Variants in ADCY6 observed in about 807,000 individuals in gnomAD.
ADCY6 encodes adenylate cyclase type 6.
Under a neutral mutation model 111.6 loss-of-function variants are expected in ADCY6, and 59 were observed. The observed-to-expected ratio is 0.53, with a 90% CI of 0.43 to 0.66. The LOEUF (loss-of-function observed/expected upper bound fraction) is 0.66. Ranked by LOEUF, ADCY6 falls within the 30% of genes least tolerant of loss-of-function variation. The pLI is 0.00. For synonymous variants in ADCY6, 576 were observed against 642.9 expected (o/e 0.90, Z 1.57); for missense variants, 1,242 against 1,595.6 (o/e 0.78, Z 3.78).
chr12:48,773,794 A>C (rs1252476373), intron 15 of ADCY6, 146 bp downstream of exon 15: 1 of 1,435,822 alleles, frequency 7.0e-7, no homozygotes. Context: ...CCCAGCCCCT[A>C]CAACACACCA....
rs1462485234 is a variant in ADCY6, at chr12:48,767,653, C to T, written c.*938G>A. 2 of 152,662 alleles carry T rather than the reference C, an allele frequency of 1.3e-5. No homozygotes were observed. The highest frequency in any genetic ancestry group is 4.8e-5 in the African/African-American group (2 of 41,428). 9.5% of individuals were successfully genotyped at this position (152,662 alleles called of 1,614,324 possible). A position where few individuals can be genotyped will look rare whatever the true frequency, so the allele number is the denominator to read the frequency against. Reference sequence around the variant, plus strand: ...GCCCTGACCCTTTTCTATTTGGCAACAGAAGAGGAAGAGATGCTCCATGCC... The same window carrying T: ...GCCCTGACCCTTTTCTATTTGGCAATAGAAGAGGAAGAGATGCTCCATGCC... On this transcript the variant is annotated 3_prime_UTR_variant, in exon 22 of 22. Transcript: ENST00000357869.
At chr12:48,769,314 G>A (rs1408339525) in intron 20 of ADCY6, among the ~76,000 whole-genome samples, 1 of 150,720 alleles carries the variant, frequency 6.6e-6, no homozygotes, top group Non-Finnish European at 1.5e-5. Context: ...TTAGGAGGCT[G>A]AGGTGGGAGA....
intron 10 of ADCY6, 59 bp from the exon 11 acceptor site, chr12:48,775,509 G>A (rs1941672670): frequency 6.2e-7 from 1 of 1,607,144 alleles, no homozygotes; most frequent in Admixed American, 1.7e-5. Context: ...GAGAAACAAT[G>A]AAAGGAAAGG....
chr12:48,783,018 C>A lies in ADCY6; in HGVS notation c.417G>T (p.Leu139=). 6.2e-7 allele frequency: 1 copy of A among 1,613,682 alleles called. No homozygotes were observed. The highest frequency in any genetic ancestry group is 8.5e-7 in the Non-Finnish European group (1 of 1,179,902). ...TCATCTGGAAGAAGTACCGCTGGTA[C>A]AGGCGCTCCAGCTTGGCCGAACGGA... The part of the protein sequence containing the change: ...KQFRSAKLER[L]YQRYFFQMNQ... The change falls in exon 2 of 22, where the codon CTG becomes CTT. Residue 139 remains leucine, a synonymous_variant. Coordinates refer to ENST00000357869, the MANE Select transcript of ADCY6 (RefSeq NM_015270.5).
Position 48,783,408 on chromosome 12 carries a change from G to A in ADCY6, c.27C>T (p.Val9=), listed in dbSNP as rs988935336. The change falls in exon 2 of 22, where the codon GTC becomes GTT. Residue 9 remains valine, a synonymous_variant. Coordinates refer to ENST00000357869, the MANE Select transcript of ADCY6 (RefSeq NM_015270.5). Reference sequence around the variant, plus strand: ...CTGTTTTCCGTTCATCCACTTTAGGGACCAGGAGGCCACTAAACCATGACA... The same window carrying A: ...CTGTTTTCCGTTCATCCACTTTAGGAACCAGGAGGCCACTAAACCATGACA... The part of the protein sequence containing the change: MSWFSGLL[V]PKVDERKTAW... The A allele has an allele frequency of 7.4e-6, 12 of 1,614,122 alleles. No individual in the cohort carries two copies. In the Admixed American group the frequency reaches 8.3e-5, roughly 11 times the overall value.
intron 18 of ADCY6, 103 bp from the exon 19 acceptor site, chr12:48,772,076 A>G (rs1358868854): frequency 6.8e-7 from 1 of 1,476,552 alleles, no homozygotes; most frequent in East Asian, 2.3e-5. Context: ...ATAGAGAAAG[A>G]AAGGCCCAGA....
rs747011823 is a variant in ADCY6, at chr12:48,777,582, G to A, written c.1136+33C>T. 20 of 1,612,834 alleles carry A rather than the reference G, an allele frequency of 1.2e-5. No individual in the cohort carries two copies. Among genetic ancestry groups the A allele is most frequent in the Middle Eastern group, 1.7e-4 (1 of 6,052 alleles). ...GCCCTCAAAGACTTCCAGACCCCCC[G>A]CCCTGCTGGGCATCCTCCTACCCTC... On this transcript the variant is annotated intron_variant, in intron 4 of 21. Transcript: ENST00000357869. The surrounding 1 kb of genome is among the most constrained non-coding windows in gnomAD (Gnocchi z 4.9).
In ADCY6 at chr12:48,771,865, G is replaced by C. The variant is rs138465901; in HGVS notation, c.2896C>G (p.Arg966Gly). 3.1e-6 allele frequency: 5 copies of C among 1,614,118 alleles called. No individual in the cohort carries two copies. Among genetic ancestry groups the C allele is most frequent in the African/African-American group, 1.3e-5 (1 of 75,020 alleles). Residue 966 changes from arginine (R) to glycine (G), a missense_variant, in exon 19 of 22, where the codon CGC (arginine) becomes GGC (glycine). Arg to Gly is a moderately radical substitution (Grantham distance 125, BLOSUM62 -2). Around this residue, in one of 4 missense-constraint regions of ADCY6, gnomAD observed 245 missense variants for 371.3 expected, o/e 0.66. Transcript: ENST00000357869. The surrounding 1 kb of genome is among the most constrained non-coding windows in gnomAD (Gnocchi z 4.3). ...VAAHFLARER[R>G]NDELYYQSCE... ...GACTGATAGTAGAGTTCATCATTGC[G>C]GCGCTCCCGGGCCAGGAAGTGGGCC...
chr12:48,775,554 G>A, intron 10 of ADCY6, 104 bp from the exon 11 acceptor site: 2 of 1,571,800 alleles, frequency 1.3e-6, no homozygotes, highest in Non-Finnish European at 1.7e-6. Flanking sequence ...GGGAGAGCCA[G>A]GGGGGTGGCT....
intron 2 of ADCY6, among the ~76,000 whole-genome samples, chr12:48,780,830 T>C (rs1158800772): frequency 6.6e-6 from 1 of 152,202 alleles, no homozygotes. Flanking sequence ...CTTTAAGATG[T>C]CTGACAGTGC....
At position 48,783,383 on chromosome 12, in the gene ADCY6, C is replaced by T. The variant is rs746480278; in HGVS notation, c.52G>A (p.Ala18Thr). Residue 18 changes from alanine (A) to threonine (T), a missense_variant, in exon 2 of 22, where the codon GCC (alanine) becomes ACC (threonine). By Grantham distance (58) the Ala-to-Thr change is moderately conservative. Around this residue, in one of 4 missense-constraint regions of ADCY6, gnomAD observed 362 missense variants for 377.2 expected, o/e 0.96. Transcript: ENST00000357869. ...TTCTGCCCATTGCGTTCACCCCAGG[C>T]TGTTTTCCGTTCATCCACTTTAGGG... ...LVPKVDERKT[A>T]WGERNGQKRS... 7 of 1,614,114 alleles carry T rather than the reference C, an allele frequency of 4.3e-6. No homozygotes were observed. In the East Asian group the frequency reaches 1.3e-4, roughly 31 times the overall value.
At chr12:48,784,155 G>A (rs1457148747) in intron 1 of ADCY6, 1 of 150,960 alleles carries the variant, frequency 6.6e-6, no homozygotes, top group Non-Finnish European at 1.5e-5. Flanking sequence ...AAGGCAGGAG[G>A]ATTGCTTGGG....
At chr12:48,787,571 G>A (rs565140966) in intron 1 of ADCY6, among the ~76,000 whole-genome samples, 6 of 152,240 alleles carry the variant, frequency 3.9e-5, no homozygotes, top group African/African-American at 1.2e-4. Flanking sequence ...AAACAGGGTA[G>A]AGCACTGTTC....
chr12:48,782,940 C>T lies in ADCY6; in HGVS notation c.495G>A (p.Val165=). The change falls in exon 2 of 22, where the codon GTG becomes GTA. Residue 165 remains valine (V), a synonymous_variant. Transcript: ENST00000357869. This position sits in a 1 kb window ranked among gnomAD's most constrained non-coding sequence, Gnocchi z 4.3. ...CGGGTGCGGCGTGGAAAGCCAGCAG[C>T]ACCGCTGTGAGCAGCACCAGCACCG... The part of the protein sequence containing the change: ...LMAVLVLLTA[V]LLAFHAAPAR... The T allele has an allele frequency of 3.1e-6, 5 of 1,613,422 alleles. No homozygotes were observed. Among genetic ancestry groups the T allele is most frequent in the Non-Finnish European group, 4.2e-6 (5 of 1,179,896 alleles).
In ADCY6 at chr12:48,771,832, A is replaced by G. The variant is rs540786987; in HGVS notation, c.2929T>C (p.Cys977Arg). The G allele has an allele frequency of 1.9e-6, 3 of 1,613,936 alleles. No homozygotes were observed. The highest frequency in any genetic ancestry group is 2.5e-6 in the Non-Finnish European group (3 of 1,179,992). Residue 977 changes from cysteine to arginine, a missense_variant, in exon 19 of 22, where the codon TGT (cysteine) becomes CGT (arginine). Coordinates refer to ENST00000357869, the MANE Select transcript of ADCY6 (RefSeq NM_015270.5). This position sits in a 1 kb window ranked among gnomAD's most constrained non-coding sequence, Gnocchi z 4.3. ...NDELYYQSCE[C>R]VAVMFASIAN... is the part of the protein sequence containing the mutation. Reference sequence around the variant, plus strand: ...ATGGAGGCAAACATAACAGCCACACACTCACACGACTGATAGTAGAGTTCA... The same window carrying G: ...ATGGAGGCAAACATAACAGCCACACGCTCACACGACTGATAGTAGAGTTCA...
rs975795381 is a variant in ADCY6 at position 48,782,519 on chromosome 12, G to A, written c.864+52C>T. 3 of 1,559,632 alleles carry A rather than the reference G, an allele frequency of 1.9e-6. No individual in the cohort carries two copies. The highest frequency in any genetic ancestry group is 2.6e-6 in the Non-Finnish European group (3 of 1,153,014). On this transcript the variant is annotated intron_variant, in intron 2 of 21. Transcript: ENST00000357869. This position sits in a 1 kb window ranked among gnomAD's most constrained non-coding sequence, Gnocchi z 4.3. ...CACTAAGCCCCCACCTGCTTATGAG[G>A]TGAGAAATTCCCCACCTGCTGCCCT...
rs1592161676 is a variant in ADCY6, at chr12:48,778,421, T to A, written c.865-164A>T. On this transcript the variant is annotated intron_variant, in intron 2 of 21. Transcript: ENST00000357869. ...CCACCCCTGCAATATATCTCTCCCA[T>A]TACCCACAGGACCCCAGATCCCAGC... 5.3e-6 allele frequency: 4 copies of A among 751,778 alleles called. No homozygotes were observed. In the East Asian group the frequency reaches 1.1e-4, roughly 21 times the overall value. The allele number at this position is 751,778 out of a possible 1,614,324, so 46.6% of individuals were successfully genotyped here. A position where few individuals can be genotyped will look rare whatever the true frequency, so the allele number is the denominator to read the frequency against.
intron 2 of ADCY6, among the ~76,000 whole-genome samples, chr12:48,779,632 G>T (rs779547328): frequency 6.6e-6 from 1 of 152,116 alleles, no homozygotes; most frequent in African/African-American, 2.4e-5. Flanking sequence ...CATCATCAGC[G>T]GCACTGGCTA....
intron 15 of ADCY6, 51 bp from the exon 16 acceptor site, chr12:48,773,698 C>A: frequency 6.2e-7 from 1 of 1,607,514 alleles, no homozygotes; most frequent in South Asian, 1.1e-5. Context: ...CCACAGCACC[C>A]TTGGGCAGGG....
Sources: gnomAD v4.1 joint callset for allele counts (sites outside exome capture counted in the v4.1 genomes callset) on GRCh38, gnomAD v4.1.1 for gene constraint, gnomAD v4.1.1 regional missense constraint, Gnocchi (gnomAD v3.1) non-coding constraint, MANE v1.5 for transcripts, NCBI Gene and HGNC (gene_info 2026-07-23, HGNC 2026-07-21) for gene names.